UNC13B: variants seen among roughly 807,000 people sequenced by gnomAD.
UNC13B encodes unc-13 homolog B, also known as protein unc-13 homolog B.
UNC13B carries 144 observed loss-of-function variants against 211.0 expected under a neutral mutation model. The ratio of observed to expected loss-of-function variants is 0.68; its 90% confidence interval spans 0.60 to 0.78. The LOEUF is 0.78. Among genes scored for constraint, UNC13B ranks in the 30% least tolerant of loss-of-function variants. The pLI is 0.00. For missense variants in UNC13B, 1,777 were observed against 2,002.0 expected, an observed-to-expected ratio of 0.89 and a Z score of 2.14; for synonymous variants, 709 against 725.8, an observed-to-expected ratio of 0.98 and a Z score of 0.37.
intron 11 of UNC13B, chr9:35,364,711 T>C: frequency 1.0e-6 from 1 of 995,024 alleles, no homozygotes. Context: ...CTTTGGCTCA[T>C]GCAGTCTATT....
At chr9:35,317,920 G>A (rs1037207858) in intron 11 of UNC13B, among the ~76,000 whole-genome samples, 1 of 152,044 alleles carries the variant, frequency 6.6e-6, no homozygotes, top group Non-Finnish European at 1.5e-5. Flanking sequence ...TTAAAAGTAA[G>A]GGTCTTGTAA....
At chr9:35,330,343 T>C (rs371560592) in intron 11 of UNC13B, among the ~76,000 whole-genome samples, 2 of 152,364 alleles carry the variant, frequency 1.3e-5, no homozygotes, top group East Asian at 1.9e-4. Context: ...TCAAAGGTCA[T>C]TGCTGACCAT....
At chr9:35,357,371 A>G (rs1207532628) in intron 11 of UNC13B, among the ~76,000 whole-genome samples, 3 of 152,012 alleles carry the variant, frequency 2.0e-5, no homozygotes, top group Non-Finnish European at 4.4e-5. Flanking sequence ...CCATTTTTCT[A>G]TCTTCTTTGG....
At chr9:35,213,936 T>A (rs1339281477) in intron 1 of UNC13B, among the ~76,000 whole-genome samples, 1 of 152,172 alleles carries the variant, frequency 6.6e-6, no homozygotes, top group Non-Finnish European at 1.5e-5. Flanking sequence ...TGGATACAGC[T>A]ACACTTTACA....
At chr9:35,392,991 A>G (rs1478331689) in intron 26 of UNC13B, among the ~76,000 whole-genome samples, 1 of 152,192 alleles carries the variant, frequency 6.6e-6, no homozygotes, top group Non-Finnish European at 1.5e-5. Flanking sequence ...TCCCAATTAA[A>G]ATATGAAACA....
Position 35,305,363 on chromosome 9 carries a change from G to T in UNC13B, c.5959G>T (p.Asp1987Tyr), listed in dbSNP as rs1332647191. The T allele has an allele frequency of 2.5e-6, 1 of 398,792 alleles. No homozygotes were observed. Among genetic ancestry groups the T allele is most frequent in the Non-Finnish European group, 4.4e-6 (1 of 226,010 alleles). 24.7% of individuals were successfully genotyped at this position (398,792 alleles called of 1,614,324 possible). Residue 1987 changes from aspartate to tyrosine, a missense_variant, in exon 9 of 40, where the codon GAT becomes TAT. Coordinates refer to ENST00000635942, the MANE Select transcript of UNC13B (RefSeq NM_001371189.2). ...GVSNFWGTLG[D>Y]FFKANVSPIQ... ...TTCAAATTTTTGGGGTACCCTTGGG[G>T]ATTTCTTTAAAGCCAATGTATCTCC...
At chr9:35,202,259 CAT>C (rs1210387472) in intron 1 of UNC13B, among the ~76,000 whole-genome samples, 2 of 152,228 alleles carry the variant, frequency 1.3e-5, no homozygotes, top group South Asian at 2.1e-4. Context: ...TACTTCCAAA[CAT>C]GTGGTCACTT....
At chr9:35,229,686 TGC>T (rs1587420203) in intron 2 of UNC13B, among the ~76,000 whole-genome samples, 1 of 5,320 alleles carries the variant, frequency 1.9e-4, no homozygotes, top group East Asian at 0.045. Flanking sequence ...AGTGGCCTAC[TGC>T]ACTACTACTA....
chr9:35,294,550 C>T (rs1038219179), intron 7 of UNC13B, among the ~76,000 whole-genome samples: 46 of 152,328 alleles, frequency 3.0e-4, no homozygotes, highest in African/African-American at 1.0e-3. Flanking sequence ...AGGTGATCCA[C>T]CTGCCTTGGA....
chr9:35,380,634 A>G lies in UNC13B; in HGVS notation c.10370A>G (p.Asn3457Ser), dbSNP rs1279732060. The G allele has an allele frequency of 1.9e-6, 3 of 1,614,072 alleles. No homozygotes were observed. The highest frequency in any genetic ancestry group is 1.7e-6 in the Non-Finnish European group (2 of 1,180,024). ...AGTGGCGAGATGGACGTCTGGTACA[A>G]CTTGGGTGAGGAAACTGGACCCGAG... is the stretch of plus-strand genomic sequence containing the variant. ...TLSGEMDVWY[N>S]LEKRTDKSAV... Residue 3457 changes from asparagine (N) to serine (S), a missense_variant, in exon 18 of 40, where the codon AAC (asparagine) becomes AGC (serine). Transcript: ENST00000635942.
At chr9:35,397,401 C>G in intron 29 of UNC13B, 91 bp downstream of exon 29, 1 of 1,557,744 alleles carries the variant, frequency 6.4e-7, no homozygotes, top group Non-Finnish European at 8.7e-7. Flanking sequence ...TCCACTGTGG[C>G]CTCCTGGTAA....
Position 35,307,237 on chromosome 9 carries a change from ATCT to A in UNC13B, c.7838_7840del (p.Ser2613del), listed in dbSNP as rs1388653648. On this transcript the variant is annotated inframe_deletion, in exon 9 of 40. Coordinates refer to ENST00000635942, the MANE Select transcript of UNC13B (RefSeq NM_001371189.2). ...CTCAACGTTCTGAAACAATTAATAC[ATCT>A]TCTTTCTCGGGTGATGATACTGGGC... 7 of 398,764 alleles carry A rather than the reference ATCT, an allele frequency of 1.8e-5. No homozygotes were observed. The highest frequency in any genetic ancestry group is 1.3e-4 in the Admixed American group (3 of 22,694). The allele number at this position is 398,764 out of a possible 1,614,324, so 24.7% of individuals were successfully genotyped here.
chr9:35,216,955 A>C (rs1824282800), intron 1 of UNC13B, among the ~76,000 whole-genome samples: 1 of 152,208 alleles, frequency 6.6e-6, no homozygotes, highest in Non-Finnish European at 1.5e-5. Context: ...AACATTCTGC[A>C]AATGACAAAA....
intron 7 of UNC13B, chr9:35,291,079 C>T: frequency 6.5e-7 from 1 of 1,550,238 alleles, no homozygotes; most frequent in Non-Finnish European, 8.7e-7. Context: ...GTCACTGGAC[C>T]TATTTGGGCT....
At chr9:35,261,351 T>C (rs1267889167) in intron 7 of UNC13B, among the ~76,000 whole-genome samples, 3 of 152,212 alleles carry the variant, frequency 2.0e-5, no homozygotes, top group Admixed American at 2.0e-4. Flanking sequence ...TGAAATACCA[T>C]GATCACAATC....
Position 35,398,195 on chromosome 9 carries a change from A to G in UNC13B, c.11755-16A>G, listed in dbSNP as rs1437783804. On this transcript the variant is annotated splice_polypyrimidine_tract_variant and intron_variant, in intron 30 of 39. Coordinates refer to ENST00000635942, the MANE Select transcript of UNC13B (RefSeq NM_001371189.2). ...TGAAAGGAGCCAAGACTCAACAGCT[A>G]CATCTGTCCCCAAAGCCCTGCATCC... 1.9e-6 allele frequency: 3 copies of G among 1,610,686 alleles called. No homozygotes were observed. Among genetic ancestry groups the G allele is most frequent in the Middle Eastern group, 1.6e-4 (1 of 6,066 alleles).
intron 7 of UNC13B, among the ~76,000 whole-genome samples, chr9:35,260,825 A>C (rs1201746278): frequency 6.6e-6 from 1 of 152,016 alleles, no homozygotes; most frequent in Non-Finnish European, 1.5e-5. Context: ...AATCTTTTAA[A>C]CCTTTTTCCA....
intron 1 of UNC13B, among the ~76,000 whole-genome samples, chr9:35,206,238 C>T (rs1457481421): frequency 6.6e-6 from 1 of 152,076 alleles, no homozygotes; most frequent in Non-Finnish European, 1.5e-5. Context: ...GTGATAGTCA[C>T]ATAACATACA....
intron 11 of UNC13B, chr9:35,351,553 GGAA>G: frequency 8.1e-7 from 1 of 1,232,352 alleles, no homozygotes; most frequent in Non-Finnish European, 1.0e-6. Flanking sequence ...AAGAGTCAGA[GGAA>G]GAAATCATGG....
Sources: gnomAD v4.1 joint callset for allele counts (sites outside exome capture counted in the v4.1 genomes callset) on GRCh38, gnomAD v4.1.1 for gene constraint, MANE v1.5 for transcripts, NCBI Gene and HGNC (gene_info 2026-07-23, HGNC 2026-07-21) for gene names.